The following CNTNAP2 variants were observed in gnomAD, a reference collection of about 807,000 sequenced individuals.
CNTNAP2 encodes contactin associated protein 2, also known as contactin-associated protein-like 2.
A neutral mutation model predicts 155.2 loss-of-function variants in CNTNAP2; 98 were observed. The ratio of observed to expected loss-of-function variants is 0.63; its 90% CI spans 0.54 to 0.75. The LOEUF (loss-of-function observed/expected upper bound fraction) is 0.75. CNTNAP2 is among the 30% of genes least tolerant of loss of function. The pLI, the probability that CNTNAP2 is intolerant of heterozygous loss-of-function variation, is 0.00. For missense variants in CNTNAP2, 1,727 were observed against 1,688.1 expected (o/e 1.02, Z -0.40); for synonymous variants, 651 against 631.2 (o/e 1.03, Z -0.47).
At chr7:148,297,283 G>A (rs1797304548) in intron 21 of CNTNAP2, among the ~76,000 whole-genome samples, 1 of 152,180 alleles carries the variant, frequency 6.6e-6, no homozygotes, top group Non-Finnish European at 1.5e-5. Context: ...CACGGGCAGT[G>A]TGGTTACATC....
chr7:147,576,487 T>C (rs1356086083), intron 12 of CNTNAP2, among the ~76,000 whole-genome samples: 2 of 152,050 alleles, frequency 1.3e-5, no homozygotes, highest in African/African-American at 4.8e-5. Context: ...AATATGAAAA[T>C]ATTCTAGAAG....
At chr7:148,114,488 G>A (rs555974438) in intron 15 of CNTNAP2, among the ~76,000 whole-genome samples, 56 of 152,200 alleles carry the variant, frequency 3.7e-4, no homozygotes, top group African/African-American at 1.1e-3. Flanking sequence ...TTTTCATGCC[G>A]GCTTTCATGG....
At chr7:147,868,163 C>T (rs1037826599) in intron 13 of CNTNAP2, among the ~76,000 whole-genome samples, 1 of 152,106 alleles carries the variant, frequency 6.6e-6, no homozygotes, top group African/African-American at 2.4e-5. Flanking sequence ...GATGTTGATG[C>T]TATTCCTTTC....
intron 9 of CNTNAP2, among the ~76,000 whole-genome samples, chr7:147,313,946 G>A (rs7784687): frequency 6.7e-6 from 1 of 149,454 alleles, no homozygotes; most frequent in Non-Finnish European, 1.5e-5. Flanking sequence ...CATTGAGCAG[G>A]GGTTTGTAGT....
At chr7:148,000,762 A>G (rs1041925317) in intron 15 of CNTNAP2, among the ~76,000 whole-genome samples, 16 of 152,214 alleles carry the variant, frequency 1.1e-4, no homozygotes, top group Admixed American at 9.8e-4. Context: ...GGAAAAGATA[A>G]TGGCTAGTTT....
intron 13 of CNTNAP2, among the ~76,000 whole-genome samples, chr7:147,871,786 C>T (rs1799331898): frequency 1.3e-5 from 2 of 151,984 alleles, no homozygotes; most frequent in Admixed American, 1.3e-4. Context: ...TGAGTCGTGG[C>T]CGAATAGTTC....
At chr7:147,904,414 A>T (rs886191609) in intron 14 of CNTNAP2, among the ~76,000 whole-genome samples, 1 of 152,210 alleles carries the variant, frequency 6.6e-6, no homozygotes, top group Non-Finnish European at 1.5e-5. Flanking sequence ...AAGGCCCCAG[A>T]AGTTTAGGTG....
chr7:147,023,430 C>T lies in CNTNAP2; in HGVS notation c.403-20477C>T, dbSNP rs547694936. Among the ~76,000 whole-genome samples, 4 of 152,162 alleles carry T rather than the reference C, an allele frequency of 2.6e-5. No individual in the cohort carries two copies. In the South Asian group the frequency reaches 8.3e-4, roughly 32 times the overall value. Reference sequence around the variant, plus strand: ...TTGTAAGAAGACTTTAGAGAGATGCCGTGTATCCTTTTTATCCAGTCTCCT... The same window carrying T: ...TTGTAAGAAGACTTTAGAGAGATGCTGTGTATCCTTTTTATCCAGTCTCCT... On this transcript the variant is annotated intron_variant, in intron 3 of 23. Coordinates refer to ENST00000361727, the MANE Select transcript of CNTNAP2 (RefSeq NM_014141.6).
intron 1 of CNTNAP2, among the ~76,000 whole-genome samples, chr7:146,240,281 T>C (rs1799539080): frequency 6.6e-6 from 1 of 152,154 alleles, no homozygotes; most frequent in Non-Finnish European, 1.5e-5. Flanking sequence ...TATTATTTCC[T>C]GTTCTGTTTT....
intron 10 of CNTNAP2, among the ~76,000 whole-genome samples, chr7:147,448,592 A>G (rs1245213697): frequency 6.6e-6 from 1 of 151,640 alleles, no homozygotes; most frequent in African/African-American, 2.4e-5. Context: ...TTGGTTCCTG[A>G]TCTCCTTTTA....
At chr7:147,275,899 T>G (rs1804884922) in intron 8 of CNTNAP2, among the ~76,000 whole-genome samples, 1 of 152,110 alleles carries the variant, frequency 6.6e-6, no homozygotes, top group Non-Finnish European at 1.5e-5. Flanking sequence ...TGAGTGCTTT[T>G]TCTGCACCTA....
chr7:147,061,284 A>C (rs1305055435), intron 4 of CNTNAP2, among the ~76,000 whole-genome samples: 1 of 152,250 alleles, frequency 6.6e-6, no homozygotes, highest in Non-Finnish European at 1.5e-5. Context: ...TTACCATTGT[A>C]AAATAAAATT....
chr7:147,684,466 G>A (rs142766904), intron 13 of CNTNAP2, among the ~76,000 whole-genome samples: 5 of 151,904 alleles, frequency 3.3e-5, no homozygotes, highest in Admixed American at 1.3e-4. Context: ...CCCTATAAAA[G>A]CCAATAAGAC....
intron 14 of CNTNAP2, among the ~76,000 whole-genome samples, chr7:147,961,185 C>A (rs1327929223): frequency 6.6e-6 from 1 of 152,100 alleles, no homozygotes; most frequent in Non-Finnish European, 1.5e-5. Flanking sequence ...CTTCTATCTC[C>A]TGCTCCCCTC....
At chr7:148,150,117 A>G (rs980627245) in intron 17 of CNTNAP2, among the ~76,000 whole-genome samples, 17 of 150,200 alleles carry the variant, frequency 1.1e-4, no homozygotes, top group African/African-American at 3.9e-4. Flanking sequence ...AAAAAAAAAA[A>G]AAAAAAAAAA....
chr7:146,930,298 A>G (rs1282589442), intron 3 of CNTNAP2, among the ~76,000 whole-genome samples: 1 of 152,114 alleles, frequency 6.6e-6, no homozygotes, highest in Non-Finnish European at 1.5e-5. Context: ...ATTCATAAAG[A>G]AAAGAATTTT....
chr7:147,001,926 A>G (rs1584776422), intron 3 of CNTNAP2, among the ~76,000 whole-genome samples: 1 of 152,130 alleles, frequency 6.6e-6, no homozygotes, highest in Non-Finnish European at 1.5e-5. Flanking sequence ...TATAATAAAT[A>G]GTGTTTGGAA....
chr7:147,003,437 A>G lies in CNTNAP2; in HGVS notation c.403-40470A>G, dbSNP rs1398565148. The stretch of plus-strand genomic sequence containing the variant: ...CTGATAAATTTTGAATAATACTTGC[A>G]AAGTTATATTAATACAAATATCTAA... On this transcript the variant is annotated intron_variant, in intron 3 of 23. Transcript: ENST00000361727. 2.6e-5 allele frequency among the ~76,000 whole-genome samples: 4 copies of G among 152,074 alleles called. No homozygotes were observed. The East Asian group carries it at 7.7e-4, about 29-fold the overall frequency.
intron 1 of CNTNAP2, among the ~76,000 whole-genome samples, chr7:146,401,673 T>C (rs1158206318): frequency 6.6e-6 from 1 of 152,220 alleles, no homozygotes; most frequent in African/African-American, 2.4e-5. Context: ...ATAATTTACA[T>C]CTGCCTCGTG....
Sources: gnomAD v4.1 joint callset for allele counts (sites outside exome capture counted in the v4.1 genomes callset) on GRCh38, gnomAD v4.1.1 for gene constraint, MANE v1.5 for transcripts, NCBI Gene and HGNC (gene_info 2026-07-23, HGNC 2026-07-21) for gene names.